Variants in PLEKHM3 observed in about 807,000 individuals in gnomAD.
PLEKHM3 encodes pleckstrin homology domain containing M3.
In PLEKHM3, 45 loss-of-function variants were observed where a neutral mutation model predicts 81.8. The ratio of observed to expected loss-of-function variants is 0.55; its 90% confidence interval spans 0.43 to 0.71. PLEKHM3 has a LOEUF of 0.71. Among genes scored for constraint, PLEKHM3 ranks in the 30% least tolerant of loss-of-function variants. PLEKHM3 has a pLI of 0.00. For synonymous variants in PLEKHM3, 352 were observed against 356.4 expected, an observed-to-expected ratio of 0.99 and a Z score of 0.14; for missense variants, 788 against 924.3, an observed-to-expected ratio of 0.85 and a Z score of 1.91.
intron 2 of PLEKHM3, among the ~76,000 whole-genome samples, chr2:207,981,814 T>C (rs185070566): frequency 2.8e-4 from 42 of 152,356 alleles, no homozygotes; most frequent in Non-Finnish European, 4.9e-4. Context: ...ATTTCATAAA[T>C]AATAAAATCT....
At chr2:207,937,982 T>C (rs2105952899) in intron 4 of PLEKHM3, among the ~76,000 whole-genome samples, 1 of 152,314 alleles carries the variant, frequency 6.6e-6, no homozygotes, top group South Asian at 2.1e-4. Context: ...TCAGTGAGCT[T>C]TTCCTCAGCT....
At position 207,844,595 on chromosome 2, in the gene PLEKHM3, T is replaced by C. The variant is rs111524058; in HGVS notation, c.2109-16099A>G. On this transcript the variant is annotated intron_variant, in intron 7 of 7. Coordinates refer to ENST00000427836, the MANE Select transcript of PLEKHM3 (RefSeq NM_001080475.3). ...TGCTGGGATTACAGGCGTGAGCCAC[T>C]GCGCCCGGCCTATTTTTCATATGAA... is the stretch of plus-strand genomic sequence containing the variant. Among the ~76,000 whole-genome samples the C allele has an allele frequency of 7.0e-3, 1,072 of 152,264 alleles. 11 individuals are homozygous for C. The highest frequency in any genetic ancestry group is 0.023 in the African/African-American group (953 of 41,566).
intron 2 of PLEKHM3, among the ~76,000 whole-genome samples, chr2:207,999,885 T>C (rs1370755540): frequency 6.6e-6 from 1 of 152,210 alleles, no homozygotes; most frequent in Non-Finnish European, 1.5e-5. Context: ...TACCATGCAA[T>C]GATAGAAACT....
rs1199134853 is a variant in PLEKHM3, at chr2:207,946,578, T to C, written c.1547-66A>G. The C allele has an allele frequency of 2.1e-5, 33 of 1,556,580 alleles. No homozygotes were observed. In the African/African-American group the frequency reaches 2.2e-4, roughly 10 times the overall value. The stretch of plus-strand genomic sequence containing the variant: ...CTTTTAACACTACAGAACAAGGTTA[T>C]AGAGCTCTAACATCACAGAACAAGG... On this transcript the variant is annotated intron_variant, in intron 3 of 7. Coordinates refer to ENST00000427836, the MANE Select transcript of PLEKHM3 (RefSeq NM_001080475.3).
intron 2 of PLEKHM3, among the ~76,000 whole-genome samples, chr2:207,997,637 C>T (rs1474423257): frequency 1.3e-5 from 2 of 152,158 alleles, no homozygotes; most frequent in Non-Finnish European, 2.9e-5. Context: ...CTCTCATTAA[C>T]CCTTGTTAAC....
chr2:207,979,005 T>C (rs917593493), intron 2 of PLEKHM3, among the ~76,000 whole-genome samples: 3 of 152,218 alleles, frequency 2.0e-5, no homozygotes, highest in African/African-American at 7.2e-5. Flanking sequence ...ACATTGAACA[T>C]TGCCTTGTAC....
chr2:207,997,270 A>G (rs1192695329), intron 2 of PLEKHM3, among the ~76,000 whole-genome samples: 1 of 152,204 alleles, frequency 6.6e-6, no homozygotes, highest in Non-Finnish European at 1.5e-5. Flanking sequence ...CCAAAGCAGC[A>G]CTTATCCTCA....
Position 207,896,681 on chromosome 2 carries a change from C to T in PLEKHM3, c.1950+11833G>A, listed in dbSNP as rs150341831. Among the ~76,000 whole-genome samples the T allele has an allele frequency of 1.8e-4, 27 of 152,336 alleles. No individual in the cohort carries two copies. In the East Asian group the frequency reaches 4.6e-3, roughly 26 times the overall value. On this transcript the variant is annotated intron_variant, in intron 6 of 7. Coordinates refer to ENST00000427836, the MANE Select transcript of PLEKHM3 (RefSeq NM_001080475.3). ...GAAGCTAGAAAGCCAATTACATTCA[C>T]AGCAGGGCCTCTCCCCTACTGCAAG... is the stretch of plus-strand genomic sequence containing the variant.
At chr2:207,915,374 G>A (rs1015108645) in intron 5 of PLEKHM3, among the ~76,000 whole-genome samples, 1 of 152,148 alleles carries the variant, frequency 6.6e-6, no homozygotes, top group African/African-American at 2.4e-5. Flanking sequence ...TTTGTTCCAT[G>A]ACATTAGGTC....
chr2:207,931,829 CAGGCGTGGTGGCACATGCCTGTAA>C (rs1433418637), intron 4 of PLEKHM3, among the ~76,000 whole-genome samples: 1 of 152,134 alleles, frequency 6.6e-6, no homozygotes, highest in Non-Finnish European at 1.5e-5. Context: ...AGAAATTAGC[CAGGCGTGGTGGCACATGCCTGTAA>C]TCCCAGCTAC....
At chr2:207,956,718 A>ATTTTTTTTTTTTTTTTTTT (rs1170073686) in intron 3 of PLEKHM3, among the ~76,000 whole-genome samples, 2 of 69,108 alleles carry the variant, frequency 2.9e-5, no homozygotes, top group African/African-American at 5.2e-5. Context: ...GCTGATTAAA[A>ATTTTTTTTTTTTTTTTTTT]TTTTTTTTTT....
chr2:207,958,289 G>T lies in PLEKHM3; in HGVS notation c.1547-11777C>A, dbSNP rs1383600260. On this transcript the variant is annotated intron_variant, in intron 3 of 7. Coordinates refer to ENST00000427836, the MANE Select transcript of PLEKHM3 (RefSeq NM_001080475.3). ...GCTAGTAACATCTGCTCCAAGCTTGGCTCTTTTCTTCACAAATTAATCTTG... is the reference window on the plus strand; with the variant it reads ...GCTAGTAACATCTGCTCCAAGCTTGTCTCTTTTCTTCACAAATTAATCTTG... 2.0e-5 allele frequency among the ~76,000 whole-genome samples: 3 copies of T among 152,012 alleles called. No individual in the cohort carries two copies. In the South Asian group the frequency reaches 6.2e-4, roughly 32 times the overall value.
At chr2:208,011,270 G>A (rs1252187053) in intron 1 of PLEKHM3, among the ~76,000 whole-genome samples, 1 of 152,014 alleles carries the variant, frequency 6.6e-6, no homozygotes, top group African/African-American at 2.4e-5. Context: ...GTCATTATAC[G>A]AAAAAGACAC....
chr2:207,897,036 G>A (rs1474654188), intron 6 of PLEKHM3, among the ~76,000 whole-genome samples: 2 of 152,218 alleles, frequency 1.3e-5, no homozygotes, highest in Admixed American at 1.3e-4. Flanking sequence ...CGCAGGCCTA[G>A]GGAGAGTTCC....
intron 2 of PLEKHM3, among the ~76,000 whole-genome samples, chr2:207,998,332 C>T (rs1343232552): frequency 6.6e-6 from 1 of 151,980 alleles, no homozygotes; most frequent in East Asian, 1.9e-4. Context: ...AGCAAGACCT[C>T]GTCTCTACTA....
intron 7 of PLEKHM3, among the ~76,000 whole-genome samples, chr2:207,858,447 T>C (rs533423060): frequency 8.5e-5 from 13 of 152,124 alleles, no homozygotes; most frequent in Non-Finnish European, 1.2e-4. Context: ...ATATGATTTA[T>C]TCAGTTAGAA....
chr2:207,909,744 G>GAAAAA, intron 5 of PLEKHM3, among the ~76,000 whole-genome samples: 1 of 152,136 alleles, frequency 6.6e-6, no homozygotes, highest in East Asian at 1.9e-4. Context: ...CAGTATTAAA[G>GAAAAA]AAAACAAAAC....
At chr2:207,932,465 G>A (rs1186465175) in intron 4 of PLEKHM3, among the ~76,000 whole-genome samples, 2 of 151,814 alleles carry the variant, frequency 1.3e-5, no homozygotes. Context: ...TAGGAGCAAG[G>A]TTAGAATTCA....
Position 207,930,982 on chromosome 2 carries a change from C to T in PLEKHM3, c.1830G>A (p.Ser610=), listed in dbSNP as rs759699218. The change falls in exon 5 of 8, where the codon TCG becomes TCA. Residue 610 remains serine, a synonymous_variant. Transcript: ENST00000427836. ...AVLRLRQRLK[S]LRAYLFSCRA... is the part of the protein sequence containing the mutation. The stretch of plus-strand genomic sequence containing the variant: ...GGCAGCTGAACAAATAGGCTCGGAG[C>T]GACTTCAGCCGCTGCCGCAGCCGCA... The T allele has an allele frequency of 1.2e-6, 2 of 1,613,688 alleles. No homozygotes were observed. Among genetic ancestry groups the T allele is most frequent in the African/African-American group, 1.3e-5 (1 of 75,050 alleles).
Sources: gnomAD v4.1 joint callset for allele counts (sites outside exome capture counted in the v4.1 genomes callset) on GRCh38, gnomAD v4.1.1 for gene constraint, MANE v1.5 for transcripts, NCBI Gene and HGNC (gene_info 2026-07-23, HGNC 2026-07-21) for gene names.